AGK: variants seen among roughly 807,000 people sequenced by gnomAD.
AGK encodes acylglycerol kinase, mitochondrial.
AGK carries 52 observed loss-of-function variants against 66.4 expected under a neutral mutation model. That is an observed-to-expected ratio of 0.78 (90% CI 0.63 to 0.99). The LOEUF is 0.99. AGK is among the 50% of genes least tolerant of loss of function. The pLI is 0.00. For synonymous variants in AGK, 182 were observed against 181.1 expected, an observed-to-expected ratio of 1.00 and a Z score of -0.04; for missense variants, 451 against 506.6, an observed-to-expected ratio of 0.89 and a Z score of 1.05.
chr7:141,564,279 T>C (rs1795416801), intron 2 of AGK, among the ~76,000 whole-genome samples: 1 of 152,220 alleles, frequency 6.6e-6, no homozygotes, highest in Admixed American at 6.5e-5. Flanking sequence ...TAAAGATACC[T>C]GAGACTGGGT....
At chr7:141,639,898 T>C (rs186248493) in intron 11 of AGK, among the ~76,000 whole-genome samples, 38 of 152,206 alleles carry the variant, frequency 2.5e-4, no homozygotes, top group African/African-American at 4.3e-4. Flanking sequence ...AACTGGGGCT[T>C]TTTAGGACAT....
At chr7:141,626,377 G>A (rs564276146) in intron 9 of AGK, among the ~76,000 whole-genome samples, 101 of 152,282 alleles carry the variant, frequency 6.6e-4, no homozygotes, top group Non-Finnish European at 4.3e-4. Context: ...AATTGATTCA[G>A]GTAGAGATCA....
chr7:141,587,354 T>A (rs1796015330), intron 2 of AGK, among the ~76,000 whole-genome samples: 1 of 152,196 alleles, frequency 6.6e-6, no homozygotes, highest in East Asian at 1.9e-4. Flanking sequence ...CAATGCCTTC[T>A]TCACACACTG....
intron 13 of AGK, chr7:141,649,000 C>T (rs754987385): frequency 2.4e-5 from 8 of 335,118 alleles, no homozygotes; most frequent in Non-Finnish European, 3.2e-5. Flanking sequence ...TCCAGAACCT[C>T]CCACTCTGAG....
chr7:141,627,027 A>G (rs1409449228), intron 9 of AGK, among the ~76,000 whole-genome samples: 6 of 152,170 alleles, frequency 3.9e-5, no homozygotes, highest in Non-Finnish European at 8.8e-5. Flanking sequence ...GAGAACATAT[A>G]CACATAGATA....
chr7:141,612,759 G>A (rs887214891), intron 6 of AGK, among the ~76,000 whole-genome samples: 10 of 152,102 alleles, frequency 6.6e-5, no homozygotes, highest in East Asian at 5.8e-4. Context: ...CATTAAGGGC[G>A]GTAAGTATGT....
chr7:141,618,990 A>T (rs974038099), intron 8 of AGK, among the ~76,000 whole-genome samples: 2 of 152,154 alleles, frequency 1.3e-5, no homozygotes, highest in African/African-American at 4.8e-5. Flanking sequence ...GGATAAATCT[A>T]ACAAAATATG....
intron 2 of AGK, among the ~76,000 whole-genome samples, chr7:141,556,714 T>C (rs1286909389): frequency 6.6e-6 from 1 of 152,164 alleles, no homozygotes; most frequent in Non-Finnish European, 1.5e-5. Context: ...TTCCATTTCT[T>C]ACTATAGTCT....
chr7:141,593,816 C>T (rs1374546119), intron 3 of AGK: 1 of 156,070 alleles, frequency 6.4e-6, no homozygotes, highest in Non-Finnish European at 1.4e-5. Context: ...TGTTTTATAT[C>T]ATTTGAGCTT....
Position 141,600,200 on chromosome 7 carries a change from T to G in AGK, c.222-1005T>G, listed in dbSNP as rs148387031. ...TAAAAGTTAGGTGTTTGACATTGAT[T>G]GAAAGTACTGGATTTTTTTTTCCTT... On this transcript the variant is annotated intron_variant, in intron 4 of 15. Coordinates refer to ENST00000649286, the MANE Select transcript of AGK (RefSeq NM_018238.4). 2.0e-5 allele frequency among the ~76,000 whole-genome samples: 3 copies of G among 152,326 alleles called. No individual in the cohort carries two copies. The East Asian group carries it at 5.8e-4, about 29-fold the overall frequency.
chr7:141,630,379 C>T lies in AGK; in HGVS notation c.589-3522C>T, dbSNP rs75813591. ...GCAGGGTGACTATAGTTGATAATAA[C>T]GTATATTTAAACATAACTAAGAGAA... On this transcript the variant is annotated intron_variant, in intron 9 of 15. Coordinates refer to ENST00000649286, the MANE Select transcript of AGK (RefSeq NM_018238.4). Among the ~76,000 whole-genome samples, 11 of 152,032 alleles carry T rather than the reference C, an allele frequency of 7.2e-5. No individual in the cohort carries two copies. The East Asian group carries it at 2.1e-3, about 29-fold the overall frequency.
At chr7:141,612,513 C>T (rs968211833) in intron 6 of AGK, among the ~76,000 whole-genome samples, 6 of 151,862 alleles carry the variant, frequency 4.0e-5, no homozygotes, top group Non-Finnish European at 8.8e-5. Flanking sequence ...AAGAGGGAAC[C>T]CTAGTGTAAA....
chr7:141,601,252 T>G lies in AGK; in HGVS notation c.269T>G (p.Leu90Ter), dbSNP rs1314768572. ...FEKNAAPILH[L>*]SGMDVTIVKT... The stretch of plus-strand genomic sequence containing the variant: ...AAAAATGCTGCCCCGATTTTACATT[T>G]ATCTGGCATGGATGTGACTATTGTT... Residue 90 changes from leucine (L) to a stop codon, truncating the protein, a stop_gained, in exon 5 of 16, where the codon TTA becomes TGA. Coordinates refer to ENST00000649286, the MANE Select transcript of AGK (RefSeq NM_018238.4). LOFTEE classifies it high-confidence loss of function. The G allele has an allele frequency of 1.9e-6, 3 of 1,612,998 alleles. No homozygotes were observed. In the East Asian group the frequency reaches 6.7e-5, roughly 36 times the overall value.
intron 8 of AGK, among the ~76,000 whole-genome samples, chr7:141,618,047 G>C (rs1796745138): frequency 6.6e-6 from 1 of 152,186 alleles, no homozygotes; most frequent in African/African-American, 2.4e-5. Context: ...GTTTCAGCTA[G>C]AGTTTAATCC....
In AGK at chr7:141,563,219, C is replaced by A. The variant is rs533282145; in HGVS notation, c.101+7652C>A. Among the ~76,000 whole-genome samples the A allele has an allele frequency of 7.9e-5, 12 of 152,318 alleles. No individual in the cohort carries two copies. In the South Asian group the frequency reaches 2.1e-3, roughly 26 times the overall value. ...ATTCTCCACACACTGTTCTGTCTGT[C>A]CAGGTGGGAGATGCAATGCACATTA... On this transcript the variant is annotated intron_variant, in intron 2 of 15. Coordinates refer to ENST00000649286, the MANE Select transcript of AGK (RefSeq NM_018238.4).
chr7:141,639,351 T>G (rs1042221585), intron 11 of AGK, among the ~76,000 whole-genome samples: 5 of 152,124 alleles, frequency 3.3e-5, no homozygotes, highest in African/African-American at 1.2e-4. Flanking sequence ...ATGGGGTCAA[T>G]ATGGAATTTT....
intron 2 of AGK, among the ~76,000 whole-genome samples, chr7:141,583,238 G>A (rs1465829236): frequency 6.6e-6 from 1 of 151,878 alleles, no homozygotes; most frequent in African/African-American, 2.4e-5. Flanking sequence ...AGTTGAAGAC[G>A]TTTTAAGTTC....
intron 7 of AGK, 115 bp downstream of exon 7, chr7:141,614,293 C>T: frequency 1.4e-6 from 1 of 723,594 alleles, no homozygotes; most frequent in Non-Finnish European, 2.1e-6. Context: ...ACAAATTGTG[C>T]TTTCTTGAAT....
chr7:141,653,020 G>T lies in AGK; in HGVS notation c.*96G>T. 6.8e-7 allele frequency: 1 copy of T among 1,480,466 alleles called. No homozygotes were observed. Among genetic ancestry groups the T allele is most frequent in the Admixed American group, 1.9e-5 (1 of 53,898 alleles). 91.7% of individuals were successfully genotyped at this position (1,480,466 alleles called of 1,614,324 possible). A position where few individuals can be genotyped will look rare whatever the true frequency, so the allele number is the denominator to read the frequency against. ...AGCCATCCCAACAGTGTCGTCAGAG[G>T]GTCCCCAGGGCATTTTCATGGCAAG... On this transcript the variant is annotated 3_prime_UTR_variant, in exon 16 of 16. Coordinates refer to ENST00000649286, the MANE Select transcript of AGK (RefSeq NM_018238.4).
Sources: gnomAD v4.1 joint callset for allele counts (sites outside exome capture counted in the v4.1 genomes callset) on GRCh38, gnomAD v4.1.1 for gene constraint, MANE v1.5 for transcripts, NCBI Gene and HGNC (gene_info 2026-07-23, HGNC 2026-07-21) for gene names.